The following PCDHA1 variants were observed in gnomAD, a reference collection of about 807,000 sequenced individuals.
PCDHA1 encodes protocadherin alpha 1.
PCDHA1 carries 42 observed loss-of-function variants against 61.3 expected under a neutral mutation model. The ratio of observed to expected loss-of-function variants is 0.69; its 90% confidence interval spans 0.54 to 0.89. The LOEUF (loss-of-function observed/expected upper bound fraction) is 0.89, where lower values mean the gene tolerates loss of function less well. Among genes scored for constraint, PCDHA1 ranks in the 40% least tolerant of loss-of-function variants. The pLI, the probability that PCDHA1 is intolerant of heterozygous loss-of-function variation, is 0.00. For missense variants in PCDHA1, 1,256 were observed against 1,235.3 expected (o/e 1.02, Z -0.25); for synonymous variants, 610 against 553.8 (o/e 1.10, Z -1.43).
chr5:140,899,491 A>T (rs1333944586), intron 1 of PCDHA1, among the ~76,000 whole-genome samples: 1 of 152,196 alleles, frequency 6.6e-6, no homozygotes, highest in East Asian at 1.9e-4. Flanking sequence ...GCTGGATTAC[A>T]TTTATTGATT....
At position 140,802,093 on chromosome 5, in the gene PCDHA1, A is replaced by G; in HGVS notation, c.2394+13409A>G. 1.9e-6 allele frequency: 3 copies of G among 1,614,230 alleles called. No individual in the cohort carries two copies. In the South Asian group the frequency reaches 3.3e-5, roughly 18 times the overall value. On this transcript the variant is annotated intron_variant, in intron 1 of 3. Coordinates refer to ENST00000504120, the MANE Select transcript of PCDHA1 (RefSeq NM_018900.4). ...TCAAAATTCCATTTAGATCCAGTCA[A>G]TGGACAAATCAGTGTAAAGGGTAAC... is the stretch of plus-strand genomic sequence containing the variant.
Position 140,881,357 on chromosome 5 carries a change from CT to C in PCDHA1, c.2394+92676del, listed in dbSNP as rs1486951603. 3.0e-6 allele frequency: 3 copies of C among 985,228 alleles called. No homozygotes were observed. The African/African-American group carries it at 5.2e-5, about 17-fold the overall frequency. 61.0% of individuals were successfully genotyped at this position (985,228 alleles called of 1,614,324 possible). A position where few individuals can be genotyped will look rare whatever the true frequency, so the allele number is the denominator to read the frequency against. ...CGCCGATTCGGGCTACAATGCGTGG[CT>C]TTCGTATGAATTGCAGCCGGCGGCG... On this transcript the variant is annotated intron_variant, in intron 1 of 3. Coordinates refer to ENST00000504120, the MANE Select transcript of PCDHA1 (RefSeq NM_018900.4).
At position 140,802,076 on chromosome 5, in the gene PCDHA1, C is replaced by A. The variant is rs1762843843; in HGVS notation, c.2394+13392C>A. On this transcript the variant is annotated intron_variant, in intron 1 of 3. Transcript: ENST00000504120. ...TGTCAGCAGATATTCTGTCAAAATT[C>A]CATTTAGATCCAGTCAATGGACAAA... 5 of 1,614,126 alleles carry A rather than the reference C, an allele frequency of 3.1e-6. No homozygotes were observed. The Middle Eastern group carries it at 4.9e-4, about 160-fold the overall frequency.
chr5:140,933,739 G>A (rs531821370), intron 1 of PCDHA1, among the ~76,000 whole-genome samples: 18 of 151,856 alleles, frequency 1.2e-4, no homozygotes, highest in Admixed American at 3.9e-4. Flanking sequence ...TTAAATATTT[G>A]GTAGAATTCA....
chr5:140,847,580 C>T (rs1350641732), intron 1 of PCDHA1: 1 of 149,008 alleles, frequency 6.7e-6, no homozygotes, highest in African/African-American at 2.5e-5. Flanking sequence ...TAAGGATGAG[C>T]AATAATGAAA....
chr5:140,857,650 G>T, intron 1 of PCDHA1: 1 of 1,596,744 alleles, frequency 6.3e-7, no homozygotes, highest in East Asian at 2.2e-5. Flanking sequence ...AGTTCCAGGT[G>T]AGCGCGCGCG....
chr5:140,981,260 T>C (rs975813904), intron 2 of PCDHA1, among the ~76,000 whole-genome samples: 11 of 152,324 alleles, frequency 7.2e-5, no homozygotes, highest in African/African-American at 2.4e-4. Flanking sequence ...ACTTTCAAGA[T>C]AAGCAAATGT....
chr5:140,858,741 A>G, intron 1 of PCDHA1: 1 of 467,024 alleles, frequency 2.1e-6, no homozygotes, highest in Middle Eastern at 5.8e-4. Flanking sequence ...TACTTTCATA[A>G]TCACTTTTCG....
At chr5:140,861,696 G>C (rs2047025266) in intron 1 of PCDHA1, 1 of 223,632 alleles carries the variant, frequency 4.5e-6, no homozygotes, top group South Asian at 6.6e-5. Context: ...GAGGGTGTCT[G>C]TGATGCCGAC....
intron 1 of PCDHA1, among the ~76,000 whole-genome samples, chr5:140,794,271 G>C (rs1362103095): frequency 6.6e-6 from 1 of 152,232 alleles, no homozygotes; most frequent in Admixed American, 6.5e-5. Flanking sequence ...TAAACAAAAC[G>C]TGGTGTATAC....
chr5:140,883,887 C>G (rs782749190), intron 1 of PCDHA1: 1 of 1,613,348 alleles, frequency 6.2e-7, no homozygotes, highest in South Asian at 1.1e-5. Flanking sequence ...GCGCGCGACT[C>G]TGGCGTGCCG....
chr5:140,898,733 A>C (rs1401773719), intron 1 of PCDHA1, among the ~76,000 whole-genome samples: 1 of 152,154 alleles, frequency 6.6e-6, no homozygotes, highest in Non-Finnish European at 1.5e-5. Flanking sequence ...GAAGAAAGTC[A>C]TTGGTAGCTT....
intron 1 of PCDHA1, chr5:140,877,539 C>G (rs1562735979): frequency 2.5e-6 from 4 of 1,613,788 alleles, no homozygotes; most frequent in South Asian, 1.1e-5. Flanking sequence ...CTGTGGATCC[C>G]GAAGCGGCTC....
intron 1 of PCDHA1, among the ~76,000 whole-genome samples, chr5:140,832,954 A>G (rs1349608970): frequency 1.3e-5 from 2 of 152,204 alleles, no homozygotes; most frequent in Non-Finnish European, 2.9e-5. Flanking sequence ...AAGTGAGTAT[A>G]CAGAAAATTC....
chr5:140,916,202 C>A lies in PCDHA1; in HGVS notation c.2395-62747C>A, dbSNP rs185433174. 8.0e-3 allele frequency among the ~76,000 whole-genome samples: 1,218 copies of A among 152,262 alleles called. 6 individuals carry two copies. Among genetic ancestry groups the A allele is most frequent in the African/African-American group, 0.019 (787 of 41,550 alleles). The stretch of plus-strand genomic sequence containing the variant: ...TTCAAGGAAGTGGGCACCCCTCTGC[C>A]CTGGGGAAGATCCAAATATGCTTTC... On this transcript the variant is annotated intron_variant, in intron 1 of 3. Coordinates refer to ENST00000504120, the MANE Select transcript of PCDHA1 (RefSeq NM_018900.4).
chr5:140,882,698 G>A (rs562320262), intron 1 of PCDHA1: 18 of 1,614,200 alleles, frequency 1.1e-5, no homozygotes, highest in Middle Eastern at 1.6e-4. Context: ...AATCATTGCA[G>A]AATCTAGACC....
At chr5:140,874,188 A>G (rs1478438376) in intron 1 of PCDHA1, among the ~76,000 whole-genome samples, 2 of 152,208 alleles carry the variant, frequency 1.3e-5, no homozygotes, top group Non-Finnish European at 2.9e-5. Flanking sequence ...TAAAGGTGTC[A>G]TATTTCAGTT....
intron 1 of PCDHA1, among the ~76,000 whole-genome samples, chr5:140,970,194 A>G (rs1202666673): frequency 6.6e-6 from 1 of 152,204 alleles, no homozygotes; most frequent in African/African-American, 2.4e-5. Context: ...TTGTAAGAGG[A>G]TTTCCCTGAA....
chr5:140,835,553 GC>G (rs1562346657), intron 1 of PCDHA1: 4 of 1,613,754 alleles, frequency 2.5e-6, no homozygotes, highest in Non-Finnish European at 3.4e-6. Flanking sequence ...GCTCCCTGAC[GC>G]CCCGCGTTCC....
Sources: gnomAD v4.1 joint callset for allele counts (sites outside exome capture counted in the v4.1 genomes callset) on GRCh38, gnomAD v4.1.1 for gene constraint, MANE v1.5 for transcripts, NCBI Gene and HGNC (gene_info 2026-07-23, HGNC 2026-07-21) for gene names.